Variants in MTA3 observed in about 807,000 individuals in gnomAD.
The protein encoded by MTA3 is metastasis-associated protein MTA3.
In MTA3, 34 loss-of-function variants were observed where a neutral mutation model predicts 83.5. The observed-to-expected ratio is 0.41, with a 90% CI of 0.31 to 0.54. The LOEUF (loss-of-function observed/expected upper bound fraction) is 0.54. Among genes scored for constraint, MTA3 ranks in the 20% least tolerant of loss-of-function variants. MTA3 has a pLI of 0.33. For synonymous variants in MTA3, 303 were observed against 252.7 expected (o/e 1.20, Z -1.89); for missense variants, 761 against 726.4 (o/e 1.05, Z -0.55).
intron 3 of MTA3, among the ~76,000 whole-genome samples, chr2:42,605,229 T>A (rs1573208718): frequency 3.5e-5 from 3 of 84,898 alleles, no homozygotes; most frequent in East Asian, 3.7e-4. Flanking sequence ...CCCCCCCACC[T>A]CCCTCCCGGA....
At chr2:42,690,748 C>T (rs1692810905) in intron 9 of MTA3, among the ~76,000 whole-genome samples, 1 of 148,824 alleles carries the variant, frequency 6.7e-6, no homozygotes. Flanking sequence ...AATCTTGGCT[C>T]ACTGTAGCTT....
chr2:42,720,155 C>CTTTATTTATTTATTTA (rs71410129), intron 15 of MTA3, among the ~76,000 whole-genome samples: 1 of 147,488 alleles, frequency 6.8e-6, no homozygotes, highest in African/African-American at 2.5e-5. Flanking sequence ...TTATTCCTTG[C>CTTTATTTATTTATTTA]TTTATTTATT....
intron 2 of MTA3, among the ~76,000 whole-genome samples, chr2:42,507,174 T>G (rs1674671655): frequency 6.6e-6 from 1 of 152,170 alleles, no homozygotes; most frequent in African/African-American, 2.4e-5. Context: ...GTGCTGGGAT[T>G]GCAGGCGTGA....
intron 16 of MTA3, among the ~76,000 whole-genome samples, chr2:42,738,248 T>C (rs1668752090): frequency 6.6e-6 from 1 of 152,058 alleles, no homozygotes; most frequent in African/African-American, 2.4e-5. Context: ...CAACAGAGTG[T>C]GTTGCAGGAA....
At chr2:42,554,339 G>A (rs1677277691) in intron 2 of MTA3, among the ~76,000 whole-genome samples, 2 of 152,200 alleles carry the variant, frequency 1.3e-5, no homozygotes, top group Non-Finnish European at 2.9e-5. Context: ...ATTTATCAAG[G>A]TAACCTAGAC....
At chr2:42,521,347 C>T (rs1204978641) in intron 2 of MTA3, among the ~76,000 whole-genome samples, 2 of 152,152 alleles carry the variant, frequency 1.3e-5, no homozygotes, top group South Asian at 4.1e-4. Flanking sequence ...GCAGACCCCA[C>T]CCCATCGGCC....
At chr2:42,559,116 G>C (rs925794329) in intron 2 of MTA3, among the ~76,000 whole-genome samples, 2 of 152,116 alleles carry the variant, frequency 1.3e-5, no homozygotes, top group African/African-American at 4.8e-5. Context: ...TGTATCTCTA[G>C]TCTAGGCCTC....
intron 4 of MTA3, among the ~76,000 whole-genome samples, chr2:42,638,984 T>C (rs1480536719): frequency 6.6e-6 from 1 of 151,724 alleles, no homozygotes; most frequent in Admixed American, 6.6e-5. Context: ...TTTATTTTGC[T>C]CTTGGTAATT....
intron 3 of MTA3, among the ~76,000 whole-genome samples, chr2:42,580,623 G>C (rs1480494015): frequency 1.3e-5 from 2 of 151,380 alleles, no homozygotes; most frequent in African/African-American, 4.9e-5. Context: ...GCTGACTTCA[G>C]CCTCCCAAAG....
intron 3 of MTA3, among the ~76,000 whole-genome samples, chr2:42,606,814 C>G (rs1478081188): frequency 6.7e-6 from 1 of 150,162 alleles, no homozygotes; most frequent in Non-Finnish European, 1.5e-5. Flanking sequence ...GAACGAGACT[C>G]CGTCTGCAAT....
rs1670234864 is a variant in MTA3 at position 42,756,306 on chromosome 2, G to C, written c.*2907G>C. 1.1e-5 allele frequency: 3 copies of C among 281,720 alleles called. No homozygotes were observed. The highest frequency in any genetic ancestry group is 1.6e-5 in the Non-Finnish European group (3 of 186,502). The allele number at this position is 281,720 out of a possible 1,614,324, so 17.5% of individuals were successfully genotyped here. A position where few individuals can be genotyped will look rare whatever the true frequency, so the allele number is the denominator to read the frequency against. On this transcript the variant is annotated 3_prime_UTR_variant, in exon 17 of 17. Transcript: ENST00000405094. Reference sequence around the variant, plus strand: ...AGAAACATTTCCCCAGGCAGAGAGAGGGGGCCCCAGCCTCTCCCCTCCTCT... The same window carrying C: ...AGAAACATTTCCCCAGGCAGAGAGACGGGGCCCCAGCCTCTCCCCTCCTCT...
At chr2:42,667,570 T>TTGTGTGTGTGTGTGTG (rs1553379043) in intron 8 of MTA3, among the ~76,000 whole-genome samples, 1 of 145,010 alleles carries the variant, frequency 6.9e-6, no homozygotes, top group Non-Finnish European at 1.5e-5. Flanking sequence ...CATTTAAAAA[T>TTGTGTGTGTGTGTGTG]TGTGTGTGTG....
intron 3 of MTA3, among the ~76,000 whole-genome samples, chr2:42,581,550 T>G (rs971258537): frequency 8.3e-5 from 12 of 145,290 alleles, no homozygotes; most frequent in African/African-American, 2.8e-4. Flanking sequence ...TTAAAAAACT[T>G]TTTTTTTTTT....
At chr2:42,612,426 G>A (rs953295241) in intron 4 of MTA3, among the ~76,000 whole-genome samples, 1 of 152,172 alleles carries the variant, frequency 6.6e-6, no homozygotes, top group African/African-American at 2.4e-5. Flanking sequence ...ATGGTGGCCA[G>A]ACTGGTCTTG....
At chr2:42,723,348 A>C in intron 16 of MTA3, 1 of 251,696 alleles carries the variant, frequency 4.0e-6, no homozygotes, top group East Asian at 8.9e-5. Flanking sequence ...TGTTCATTTA[A>C]GTTTTCTTGA....
At chr2:42,558,320 C>T (rs1395106666) in intron 2 of MTA3, among the ~76,000 whole-genome samples, 1 of 149,902 alleles carries the variant, frequency 6.7e-6, no homozygotes, top group African/African-American at 2.5e-5. Flanking sequence ...CGGCTCACTG[C>T]AACCTTTGCC....
chr2:42,601,847 T>C (rs1199011046), intron 3 of MTA3, among the ~76,000 whole-genome samples: 5 of 152,106 alleles, frequency 3.3e-5, no homozygotes, highest in Non-Finnish European at 7.4e-5. Context: ...TGCCAGCTGT[T>C]TTTGTCTGAT....
At chr2:42,704,004 A>T (rs1665845607) in intron 11 of MTA3, 190 bp from the exon 12 acceptor site, 2 of 555,346 alleles carry the variant, frequency 3.6e-6, no homozygotes, top group Admixed American at 3.4e-5. Context: ...CTTTTTTCAT[A>T]GACTCGTTTT....
intron 3 of MTA3, among the ~76,000 whole-genome samples, chr2:42,585,130 C>T (rs993057356): frequency 6.6e-6 from 1 of 151,876 alleles, no homozygotes; most frequent in East Asian, 1.9e-4. Context: ...CTCTTGTTGC[C>T]TAGGCTGGAG....
Sources: allele counts gnomAD v4.1 joint callset (sites outside exome capture counted in the v4.1 genomes callset), GRCh38; gene constraint gnomAD v4.1.1; transcripts MANE v1.5; gene names NCBI Gene and HGNC (gene_info 2026-07-23, HGNC 2026-07-21).